ABCC5: variants seen among roughly 807,000 people sequenced by gnomAD.
The protein encoded by ABCC5 is ATP-binding cassette sub-family C member 5.
ABCC5 carries 61 observed loss-of-function variants against 160.9 expected under a neutral mutation model. The ratio of observed to expected loss-of-function variants is 0.38; its 90% CI spans 0.31 to 0.47. The LOEUF is 0.47. ABCC5 is among the 20% of genes least tolerant of loss of function. The probability of loss-of-function intolerance (pLI) is 0.99; values close to 1 mark genes in which losing one functional copy is unlikely to be tolerated. For missense variants in ABCC5, 1,308 were observed against 1,813.3 expected (o/e 0.72, Z 5.06); for synonymous variants, 666 against 700.6 (o/e 0.95, Z 0.78).
At chr3:183,996,518 A>G (rs1023427974) in intron 2 of ABCC5, among the ~76,000 whole-genome samples, 4 of 152,150 alleles carry the variant, frequency 2.6e-5, no homozygotes, top group Non-Finnish European at 5.9e-5. Flanking sequence ...TACTTCCTAT[A>G]TTGGAAAACA....
At chr3:183,926,699 T>C (rs1230195405) in intron 28 of ABCC5, among the ~76,000 whole-genome samples, 1 of 152,216 alleles carries the variant, frequency 6.6e-6, no homozygotes, top group African/African-American at 2.4e-5. Context: ...ATTCTTTTCC[T>C]GTTTATAAAA....
At chr3:183,925,995 C>T (rs1485423076) in intron 28 of ABCC5, among the ~76,000 whole-genome samples, 3 of 150,986 alleles carry the variant, frequency 2.0e-5, no homozygotes, top group East Asian at 4.0e-4. Context: ...CCCGCCACCA[C>T]GCCCAGCTAA....
chr3:183,943,041 C>G, intron 24 of ABCC5, 125 bp from the exon 25 acceptor site: 1 of 918,200 alleles, frequency 1.1e-6, no homozygotes, highest in Non-Finnish European at 1.6e-6. Flanking sequence ...CACCCTGTCA[C>G]CTTGCTAGGA....
chr3:183,995,869 G>A (rs1457556194), intron 2 of ABCC5, among the ~76,000 whole-genome samples: 2 of 151,984 alleles, frequency 1.3e-5, no homozygotes, highest in African/African-American at 4.8e-5. Flanking sequence ...GTGCAGTGGT[G>A]CGACCTAAGC....
At chr3:183,959,866 T>C in intron 16 of ABCC5, 31 bp from the exon 17 acceptor site, 1 of 1,479,542 alleles carries the variant, frequency 6.8e-7, no homozygotes, top group East Asian at 2.3e-5. Context: ...AAGTCTCCAG[T>C]CATGTTAGCC....
At chr3:183,989,184 G>T (rs1348057377) in intron 3 of ABCC5, 42 bp downstream of exon 3, 1 of 1,176,564 alleles carries the variant, frequency 8.5e-7, no homozygotes, top group South Asian at 1.5e-5. Flanking sequence ...AAAAAAAAAG[G>T]CCTTTGATGC....
chr3:183,948,226 T>C (rs1039142235), intron 22 of ABCC5, among the ~76,000 whole-genome samples: 28 of 152,208 alleles, frequency 1.8e-4, no homozygotes, highest in Admixed American at 1.8e-3. Context: ...CTTTTCCTCT[T>C]TCCAATAAAA....
intron 15 of ABCC5, among the ~76,000 whole-genome samples, chr3:183,962,580 G>A (rs6767306): frequency 0.2 from 29,939 of 149,616 alleles, 3,118 homozygotes; most frequent in East Asian, 0.43. Context: ...TGCCCAGGCC[G>A]GAGTGCAATG....
At chr3:184,008,597 G>C (rs987755736) in intron 2 of ABCC5, among the ~76,000 whole-genome samples, 1 of 152,192 alleles carries the variant, frequency 6.6e-6, no homozygotes, top group East Asian at 1.9e-4. Context: ...GTAGATGTGC[G>C]AATGCTTTAT....
At chr3:184,007,589 G>A (rs1721334338) in intron 2 of ABCC5, among the ~76,000 whole-genome samples, 1 of 152,068 alleles carries the variant, frequency 6.6e-6, no homozygotes, top group African/African-American at 2.4e-5. Context: ...ACTTTGAGAG[G>A]CTGAGGCGGA....
chr3:183,950,014 C>T lies in ABCC5; in HGVS notation c.3056G>A (p.Gly1019Glu), dbSNP rs1373068332. 1 of 1,614,058 alleles carries T rather than the reference C, an allele frequency of 6.2e-7. No homozygotes were observed. The highest frequency in any genetic ancestry group is 1.3e-5 in the African/African-American group (1 of 75,010). Residue 1019 changes from glycine (G) to glutamate (E), a missense_variant, in exon 21 of 30, where the codon GGG becomes GAG. Physicochemically the swap from Gly to Glu is moderately conservative, Grantham distance 98. Coordinates refer to ENST00000334444, the MANE Select transcript of ABCC5 (RefSeq NM_005688.4). Reference protein sequence around the residue: ...GVFPWFLVAVGPLVILFSVLH... With the variant: ...GVFPWFLVAVEPLVILFSVLH... ...GACTGAAAAGAGGATGACAAGGGGC[C>T]CCACTGCCACAAGGAACCACGGGAA...
chr3:183,993,483 CAAAAAAA>C (rs57885159), intron 2 of ABCC5, among the ~76,000 whole-genome samples: 1 of 105,490 alleles, frequency 9.5e-6, no homozygotes, highest in Non-Finnish European at 2.0e-5. Context: ...GACCCTGTCT[CAAAAAAA>C]AAAAAAAAAA....
At chr3:183,956,286 A>C (rs191490162) in intron 17 of ABCC5, among the ~76,000 whole-genome samples, 4,376 of 145,878 alleles carry the variant, frequency 0.03, 37 homozygotes, top group East Asian at 0.11. Context: ...ATCCGTGTGT[A>C]TATCACATCT....
At chr3:183,985,558 G>A in intron 5 of ABCC5, 1 of 726,868 alleles carries the variant, frequency 1.4e-6, no homozygotes, top group Non-Finnish European at 2.5e-6. Flanking sequence ...CATTCACCAA[G>A]AGAGAGCACT....
At chr3:183,928,071 T>A (rs895614102) in intron 27 of ABCC5, among the ~76,000 whole-genome samples, 1 of 152,016 alleles carries the variant, frequency 6.6e-6, no homozygotes, top group African/African-American at 2.4e-5. Context: ...ATGGTCCATA[T>A]GCACACTGTG....
intron 14 of ABCC5, among the ~76,000 whole-genome samples, chr3:183,964,983 C>T (rs140921727): frequency 3.3e-4 from 51 of 152,366 alleles, no homozygotes; most frequent in Admixed American, 8.5e-4. Flanking sequence ...CCCCAAGACA[C>T]AGAAAATACT....
At chr3:183,979,666 A>G (rs1278315228) in intron 8 of ABCC5, among the ~76,000 whole-genome samples, 1 of 150,508 alleles carries the variant, frequency 6.6e-6, no homozygotes, top group Non-Finnish European at 1.5e-5. Flanking sequence ...CCGCAGCCTC[A>G]ACCTCCATGG....
At chr3:184,008,615 C>T (rs1228884204) in intron 2 of ABCC5, among the ~76,000 whole-genome samples, 2 of 152,216 alleles carry the variant, frequency 1.3e-5, no homozygotes, top group African/African-American at 4.8e-5. Flanking sequence ...TATTTCAACC[C>T]TAATTATTTC....
In ABCC5 at chr3:183,942,719, A is replaced by G. The variant is rs1246257315; in HGVS notation, c.3694+8T>C. The G allele has an allele frequency of 6.2e-7, 1 of 1,611,352 alleles. No individual in the cohort carries two copies. The highest frequency in any genetic ancestry group is 1.1e-5 in the South Asian group (1 of 90,966). Reference sequence around the variant, plus strand: ...AATGGATTCAAAGAAGGCTTTGCACATCCTTACCTGATCCTGTCCGCCCCA... The same window carrying G: ...AATGGATTCAAAGAAGGCTTTGCACGTCCTTACCTGATCCTGTCCGCCCCA... On this transcript the variant is annotated splice_region_variant and intron_variant, in intron 25 of 29. Coordinates refer to ENST00000334444, the MANE Select transcript of ABCC5 (RefSeq NM_005688.4).
Sources: gnomAD v4.1 joint callset for allele counts (sites outside exome capture counted in the v4.1 genomes callset) on GRCh38, gnomAD v4.1.1 for gene constraint, MANE v1.5 for transcripts, NCBI Gene and HGNC (gene_info 2026-07-23, HGNC 2026-07-21) for gene names.